Variants in CD274 observed in about 807,000 individuals in gnomAD.
CD274 encodes the protein CD274 molecule.
In CD274, 8 loss-of-function variants were observed where a neutral mutation model predicts 30.1. The ratio of observed to expected loss-of-function variants is 0.27; its 90% CI spans 0.16 to 0.48. The LOEUF is 0.48. CD274 is among the 20% of genes least tolerant of loss of function. CD274 has a pLI of 0.99. For synonymous variants in CD274, 152 were observed against 124.6 expected, an observed-to-expected ratio of 1.22 and a Z score of -1.46; for missense variants, 353 against 346.6, an observed-to-expected ratio of 1.02 and a Z score of -0.15.
At chr9:5,450,995 C>T (rs1302937707) in intron 1 of CD274, among the ~76,000 whole-genome samples, 2 of 152,192 alleles carry the variant, frequency 1.3e-5, no homozygotes, top group Non-Finnish European at 2.9e-5. Flanking sequence ...GTTATCCCAG[C>T]TGCAGCATCT....
At chr9:5,460,295 G>A (rs1819381451) in intron 3 of CD274, among the ~76,000 whole-genome samples, 1 of 152,126 alleles carries the variant, frequency 6.6e-6, no homozygotes, top group Admixed American at 6.6e-5. Flanking sequence ...GGAGGAAGAG[G>A]AGCAGCTCTG....
chr9:5,465,658 G>C, intron 5 of CD274, 52 bp downstream of exon 5: 1 of 1,108,952 alleles, frequency 9.0e-7, no homozygotes, highest in African/African-American at 1.5e-5. Context: ...GAAGGGGTGA[G>C]AATTGGATCA....
At chr9:5,454,399 A>AAC (rs1027554485) in intron 1 of CD274, among the ~76,000 whole-genome samples, 5 of 151,990 alleles carry the variant, frequency 3.3e-5, no homozygotes, top group African/African-American at 7.2e-5. Context: ...CCTGTGTCTA[A>AAC]ACACACACAC....
At chr9:5,456,932 C>A (rs769513517) in intron 2 of CD274, 147 bp from the exon 3 acceptor site, 80 of 610,444 alleles carry the variant, frequency 1.3e-4, no homozygotes, top group Non-Finnish European at 2.0e-4. Context: ...TATTTCAAGC[C>A]CATTGGATAA....
chr9:5,457,172 A>G lies in CD274; in HGVS notation c.146A>G (p.Asp49Gly). 1 of 1,613,398 alleles carries G rather than the reference A, an allele frequency of 6.2e-7. No homozygotes were observed. Among genetic ancestry groups the G allele is most frequent in the Non-Finnish European group, 8.5e-7 (1 of 1,179,272 alleles). The change falls in exon 3 of 7, where the codon GAC becomes GGC. Residue 49 changes from aspartate to glycine, a missense_variant. By Grantham distance (94) the Asp-to-Gly change is moderately conservative. Coordinates refer to ENST00000381577, the MANE Select transcript of CD274 (RefSeq NM_014143.4). ...ECKFPVEKQL[D>G]LAALIVYWEM... is the part of the protein sequence containing the mutation. ...AAATTCCCAGTAGAAAAACAATTAG[A>G]CCTGGCTGCACTAATTGTCTATTGG...
chr9:5,459,286 C>A (rs1403173269), intron 3 of CD274, among the ~76,000 whole-genome samples: 1 of 152,186 alleles, frequency 6.6e-6, no homozygotes, highest in Admixed American at 6.5e-5. Context: ...TACTCCCAAT[C>A]CATCTTGTCA....
At chr9:5,454,628 C>CAT (rs34028061) in intron 1 of CD274, among the ~76,000 whole-genome samples, 71 of 128,686 alleles carry the variant, frequency 5.5e-4, no homozygotes, top group Non-Finnish European at 7.7e-4. Flanking sequence ...CATATACAGA[C>CAT]ATATATATAT....
intron 3 of CD274, among the ~76,000 whole-genome samples, chr9:5,460,363 C>A (rs544708451): frequency 1.7e-4 from 26 of 152,156 alleles, no homozygotes; most frequent in African/African-American, 6.3e-4. Context: ...TGTGTTAGGC[C>A]CTGTACTGAA....
chr9:5,464,589 A>T (rs1819465264), intron 4 of CD274, among the ~76,000 whole-genome samples: 1 of 152,168 alleles, frequency 6.6e-6, no homozygotes, highest in Non-Finnish European at 1.5e-5. Context: ...GGTACCCCAG[A>T]CAAGGAGCCT....
chr9:5,455,704 A>G (rs1819289189), intron 1 of CD274, among the ~76,000 whole-genome samples: 1 of 152,224 alleles, frequency 6.6e-6, no homozygotes, highest in Non-Finnish European at 1.5e-5. Flanking sequence ...TTGGAAAAGT[A>G]AAAGTCAGAT....
Position 5,468,915 on chromosome 9 carries a change from A to G in CD274, c.*1053A>G, listed in dbSNP as rs1355386589. Reference sequence around the variant, plus strand: ...TATCAATCGCTGTGCCAGGCATTGAATCTACAGATGTGAGCAAGACAAAGT... The same window carrying G: ...TATCAATCGCTGTGCCAGGCATTGAGTCTACAGATGTGAGCAAGACAAAGT... On this transcript the variant is annotated 3_prime_UTR_variant, in exon 7 of 7. Coordinates refer to ENST00000381577, the MANE Select transcript of CD274 (RefSeq NM_014143.4). The G allele has an allele frequency of 4.3e-6, 1 of 233,172 alleles. No individual in the cohort carries two copies. Among genetic ancestry groups the G allele is most frequent in the Non-Finnish European group, 8.5e-6 (1 of 117,942 alleles). 14.4% of individuals were successfully genotyped at this position (233,172 alleles called of 1,614,324 possible). A position where few individuals can be genotyped will look rare whatever the true frequency, so the allele number is the denominator to read the frequency against.
At chr9:5,462,529 T>C (rs1238370075) in intron 3 of CD274, among the ~76,000 whole-genome samples, 1 of 152,210 alleles carries the variant, frequency 6.6e-6, no homozygotes, top group Non-Finnish European at 1.5e-5. Flanking sequence ...ATGGATATAT[T>C]ACATAGTGGT....
intron 4 of CD274, among the ~76,000 whole-genome samples, chr9:5,464,293 T>A (rs999003150): frequency 5.3e-5 from 8 of 152,192 alleles, no homozygotes; most frequent in African/African-American, 1.9e-4. Context: ...GCACTGAGTC[T>A]GTTTCCTCAT....
intron 4 of CD274, among the ~76,000 whole-genome samples, chr9:5,465,294 C>A (rs918820758): frequency 6.6e-6 from 1 of 152,218 alleles, no homozygotes; most frequent in Non-Finnish European, 1.5e-5. Context: ...CCCAGCACCA[C>A]CTTTTCAAAG....
intron 4 of CD274, 86 bp downstream of exon 4, chr9:5,463,207 TGA>T: frequency 3.9e-6 from 4 of 1,023,616 alleles, no homozygotes; most frequent in Non-Finnish European, 6.0e-6. Context: ...AGTCATTCAG[TGA>T]TTGTTGAATA....
chr9:5,453,504 T>C (rs1819244722), intron 1 of CD274, among the ~76,000 whole-genome samples: 1 of 152,100 alleles, frequency 6.6e-6, no homozygotes, highest in African/African-American at 2.4e-5. Context: ...TCAACGAATA[T>C]TTGCTGAACA....
rs894418553 is a variant in CD274 at position 5,468,759 on chromosome 9, G to C, written c.*897G>C. The stretch of plus-strand genomic sequence containing the variant: ...ACAGCTGAGGAAGCAAACAGATTAA[G>C]TAACTTGCCCAAACCAGTAAATAGC... On this transcript the variant is annotated 3_prime_UTR_variant, in exon 7 of 7. Coordinates refer to ENST00000381577, the MANE Select transcript of CD274 (RefSeq NM_014143.4). The C allele has an allele frequency of 8.6e-6, 2 of 232,968 alleles. No individual in the cohort carries two copies. Among genetic ancestry groups the C allele is most frequent in the Non-Finnish European group, 1.7e-5 (2 of 117,922 alleles). 14.4% of individuals were successfully genotyped at this position (232,968 alleles called of 1,614,324 possible). A position where few individuals can be genotyped will look rare whatever the true frequency, so the allele number is the denominator to read the frequency against.
At chr9:5,452,679 T>C (rs2131203642) in intron 1 of CD274, among the ~76,000 whole-genome samples, 1 of 152,290 alleles carries the variant, frequency 6.6e-6, no homozygotes, top group South Asian at 2.1e-4. Context: ...AATGGAGCTG[T>C]GGAAGAGAGG....
intron 2 of CD274, 142 bp from the exon 3 acceptor site, chr9:5,456,937 G>A (rs946272880): frequency 3.2e-6 from 2 of 618,984 alleles, no homozygotes; most frequent in Non-Finnish European, 5.7e-6. Flanking sequence ...CAAGCCCATT[G>A]GATAAAATAT....
Sources: allele counts gnomAD v4.1 joint callset (sites outside exome capture counted in the v4.1 genomes callset), GRCh38; gene constraint gnomAD v4.1.1; transcripts MANE v1.5; gene names NCBI Gene and HGNC (gene_info 2026-07-23, HGNC 2026-07-21).